NCKAP5: variants seen among roughly 807,000 people sequenced by gnomAD.
NCKAP5 encodes the protein NCK associated protein 5.
A neutral mutation model predicts 167.0 loss-of-function variants in NCKAP5; 92 were observed. The observed-to-expected ratio is 0.55, with a 90% CI of 0.47 to 0.66. The LOEUF is 0.66. NCKAP5 is among the 30% of genes least tolerant of loss of function. NCKAP5 has a pLI of 0.00. For synonymous variants in NCKAP5, 891 were observed against 877.4 expected (o/e 1.02, Z -0.27); for missense variants, 2,378 against 2,315.0 (o/e 1.03, Z -0.56).
chr2:132,900,977 G>GAAAAAAAAA (rs58885401), intron 8 of NCKAP5, among the ~76,000 whole-genome samples: 4 of 98,664 alleles, frequency 4.1e-5, no homozygotes, highest in Admixed American at 1.1e-4. Flanking sequence ...AAAAAAAAAA[G>GAAAAAAAAA]AAAAAAAAAA....
At chr2:132,697,234 G>A (rs950921073) in intron 19 of NCKAP5, among the ~76,000 whole-genome samples, 1 of 152,182 alleles carries the variant, frequency 6.6e-6, no homozygotes, top group Non-Finnish European at 1.5e-5. Flanking sequence ...AGTCACCTTG[G>A]AGGAGCTGGT....
intron 8 of NCKAP5, among the ~76,000 whole-genome samples, chr2:132,920,771 G>GTATATATATATGTATATA (rs1695335035): frequency 3.2e-5 from 1 of 31,570 alleles, no homozygotes; most frequent in Admixed American, 4.4e-4. Flanking sequence ...ATATATGTAT[G>GTATATATATATGTATATA]TATATATATA....
At chr2:133,627,208 A>G in the NCKAP5 span, among the ~76,000 whole-genome samples, 3 of 152,138 alleles carry the variant, frequency 2.0e-5, no homozygotes, top group Non-Finnish European at 2.9e-5. Context: ...ACCCAAATCA[A>G]TAAGAAAAAA....
chr2:133,294,344 T>A (rs1679808959), intron 4 of NCKAP5, among the ~76,000 whole-genome samples: 1 of 152,210 alleles, frequency 6.6e-6, no homozygotes, highest in Admixed American at 6.5e-5. Flanking sequence ...GCATGCTAAT[T>A]CTTAAGATGC....
chr2:132,895,845 A>AC (rs1693156440), intron 8 of NCKAP5, among the ~76,000 whole-genome samples: 1 of 151,330 alleles, frequency 6.6e-6, no homozygotes, highest in African/African-American at 2.4e-5. Context: ...AAAAAAAAAA[A>AC]CACAGTAGGC....
chr2:133,444,353 A>AAGATAGATAGATAGATAGATAGAT (rs3085736), intron 3 of NCKAP5, among the ~76,000 whole-genome samples: 1 of 147,694 alleles, frequency 6.8e-6, no homozygotes, highest in African/African-American at 2.5e-5. Flanking sequence ...GACAAAAACA[A>AAGATAGATAGATAGATAGATAGAT]AGATAGATAG....
At chr2:132,752,705 C>G (rs1469363064) in intron 16 of NCKAP5, among the ~76,000 whole-genome samples, 2 of 152,156 alleles carry the variant, frequency 1.3e-5, no homozygotes, top group East Asian at 3.9e-4. Context: ...GAAACAGAAC[C>G]AATAGAAGAT....
At chr2:133,257,678 C>A (rs1428815214) in intron 4 of NCKAP5, among the ~76,000 whole-genome samples, 2 of 152,128 alleles carry the variant, frequency 1.3e-5, no homozygotes, top group East Asian at 3.9e-4. Context: ...AGATGCTTAA[C>A]TTTGTGTACA....
rs1284052390 is a variant in NCKAP5, at chr2:133,188,110, A to G, written c.207+25606T>C. On this transcript the variant is annotated intron_variant, in intron 5 of 19. Transcript: ENST00000409261. ...TTGGCATGTTTTTGCAGTTGCTGGT[A>G]CTGGTTGTTCCTTTCCATGTTTAGT... 2.0e-5 allele frequency among the ~76,000 whole-genome samples: 3 copies of G among 152,078 alleles called. No homozygotes were observed. The East Asian group carries it at 5.8e-4, about 29-fold the overall frequency.
intron 4 of NCKAP5, among the ~76,000 whole-genome samples, chr2:133,272,233 CA>C (rs35672685): frequency 0.11 from 15,311 of 144,612 alleles, 1,035 homozygotes; most frequent in Middle Eastern, 0.18. Flanking sequence ...CAAAACAGAA[CA>C]AAAAAAAATA....
chr2:133,454,559 A>G (rs1011436487), intron 3 of NCKAP5, among the ~76,000 whole-genome samples: 1 of 152,116 alleles, frequency 6.6e-6, no homozygotes. Context: ...TCTCTGCCCA[A>G]GAAAGAAGTA....
At chr2:133,331,508 G>A (rs774125846) in intron 3 of NCKAP5, among the ~76,000 whole-genome samples, 7 of 152,140 alleles carry the variant, frequency 4.6e-5, no homozygotes, top group South Asian at 2.1e-4. Flanking sequence ...CGTTGTTCCC[G>A]TTATGACTGA....
intron 8 of NCKAP5, among the ~76,000 whole-genome samples, chr2:132,943,279 G>A (rs1259651076): frequency 2.0e-5 from 3 of 152,184 alleles, no homozygotes; most frequent in African/African-American, 7.2e-5. Context: ...ATTAGATTAT[G>A]ACAGAAACTT....
chr2:132,820,410 A>C (rs1319435827), intron 11 of NCKAP5, among the ~76,000 whole-genome samples: 1 of 151,826 alleles, frequency 6.6e-6, no homozygotes, highest in Non-Finnish European at 1.5e-5. Context: ...TTGTATTTTT[A>C]GTAGAGACGG....
rs185626679 is a variant in NCKAP5 at position 133,178,782 on chromosome 2, G to A, written c.207+34934C>T. Among the ~76,000 whole-genome samples the A allele has an allele frequency of 4.7e-4, 62 of 132,990 alleles. No homozygotes were observed. The Middle Eastern group carries it at 0.014, about 30-fold the overall frequency. The allele number at this position is 132,990 out of a possible 152,430, so 87.2% of individuals were successfully genotyped here. A position where few individuals can be genotyped will look rare whatever the true frequency, so the allele number is the denominator to read the frequency against. ...GGAGCTTGCAGTGAGCCGAGATAGC[G>A]CCACTGCACTCCAGCCTGGGCAACA... On this transcript the variant is annotated intron_variant, in intron 5 of 19. Transcript: ENST00000409261.
intron 11 of NCKAP5, among the ~76,000 whole-genome samples, chr2:132,834,028 C>A (rs917114371): frequency 6.6e-6 from 1 of 152,088 alleles, no homozygotes; most frequent in Non-Finnish European, 1.5e-5. Context: ...TTTTCAATTT[C>A]TTTCATCAAT....
At chr2:133,564,892 C>A (rs1688434208) in intron 1 of NCKAP5, among the ~76,000 whole-genome samples, 1 of 152,236 alleles carries the variant, frequency 6.6e-6, no homozygotes, top group African/African-American at 2.4e-5. Context: ...CAAGTAATTC[C>A]CTAAGGGCAG....
intron 6 of NCKAP5, among the ~76,000 whole-genome samples, chr2:133,021,312 A>T (rs1235460142): frequency 6.6e-6 from 1 of 152,176 alleles, no homozygotes; most frequent in African/African-American, 2.4e-5. Flanking sequence ...AGGAAATTGG[A>T]TACAGTGGGC....
intron 8 of NCKAP5, among the ~76,000 whole-genome samples, chr2:132,937,991 C>A (rs1375006103): frequency 6.6e-6 from 1 of 152,246 alleles, no homozygotes; most frequent in African/African-American, 2.4e-5. Flanking sequence ...AGATCCTCAG[C>A]TTCTTGCCAT....
Sources: gnomAD v4.1 joint callset for allele counts (sites outside exome capture counted in the v4.1 genomes callset) on GRCh38, gnomAD v4.1.1 for gene constraint, MANE v1.5 for transcripts, NCBI Gene and HGNC (gene_info 2026-07-23, HGNC 2026-07-21) for gene names.